Variants in EFR3A observed in about 807,000 individuals in gnomAD.
The protein encoded by EFR3A is protein EFR3 homolog A.
Under a neutral mutation model 104.4 loss-of-function variants are expected in EFR3A, and 76 were observed. That is an observed-to-expected ratio of 0.73 (90% CI 0.60 to 0.88). The LOEUF (loss-of-function observed/expected upper bound fraction) is 0.88, where lower values mean the gene tolerates loss of function less well. Among genes scored for constraint, EFR3A ranks in the 40% least tolerant of loss-of-function variants. The pLI is 0.00. For synonymous variants in EFR3A, 330 were observed against 330.0 expected (o/e 1.00, Z 0.00); for missense variants, 985 against 1,012.5 (o/e 0.97, Z 0.37).
chr8:131,990,084 G>T (rs2130774196), intron 18 of EFR3A, among the ~76,000 whole-genome samples: 1 of 152,284 alleles, frequency 6.6e-6, no homozygotes, highest in East Asian at 1.9e-4. Context: ...CCTCCAGTGT[G>T]CCAGCTGCTG....
rs184997345 is a variant in EFR3A, at chr8:131,971,020, C to T, written c.1159+377C>T. Among the ~76,000 whole-genome samples, 9 of 152,014 alleles carry T rather than the reference C, an allele frequency of 5.9e-5. No individual in the cohort carries two copies. In the East Asian group the frequency reaches 1.5e-3, roughly 26 times the overall value. On this transcript the variant is annotated intron_variant, in intron 10 of 22. Transcript: ENST00000254624. ...ATACACATGCATATTTTTTTCTAAACCACGAGATACAGGAAGTTGCATACA... is the reference window on the plus strand; with the variant it reads ...ATACACATGCATATTTTTTTCTAAATCACGAGATACAGGAAGTTGCATACA...
At chr8:131,927,884 T>C (rs1228890660) in intron 1 of EFR3A, among the ~76,000 whole-genome samples, 1 of 152,066 alleles carries the variant, frequency 6.6e-6, no homozygotes, top group Non-Finnish European at 1.5e-5. Flanking sequence ...CGGAAACAAG[T>C]TAAAGAACAG....
intron 18 of EFR3A, among the ~76,000 whole-genome samples, chr8:131,994,939 C>G (rs1821399624): frequency 6.6e-6 from 1 of 152,132 alleles, no homozygotes. Context: ...TGGGTGAGTA[C>G]ATTCTTTTTA....
At chr8:131,988,259 TA>T (rs1820999934) in intron 18 of EFR3A, among the ~76,000 whole-genome samples, 1 of 152,096 alleles carries the variant, frequency 6.6e-6, no homozygotes, top group Non-Finnish European at 1.5e-5. Flanking sequence ...ATTCAACTTT[TA>T]CTGTAAAAAT....
chr8:132,011,366 G>A lies in EFR3A; in HGVS notation c.*471G>A. 1 of 986,124 alleles carries A rather than the reference G, an allele frequency of 1.0e-6. No homozygotes were observed. 61.1% of individuals were successfully genotyped at this position (986,124 alleles called of 1,614,324 possible). Reference sequence around the variant, plus strand: ...TCCTGGGACTGCAAAACTGTTCGGTGGCTTTTTGTCCCCATGCTTTAGATA... The same window carrying A: ...TCCTGGGACTGCAAAACTGTTCGGTAGCTTTTTGTCCCCATGCTTTAGATA... On this transcript the variant is annotated 3_prime_UTR_variant, in exon 23 of 23. Transcript: ENST00000254624.
intron 16 of EFR3A, among the ~76,000 whole-genome samples, chr8:131,985,738 T>C (rs1820839218): frequency 6.6e-6 from 1 of 152,178 alleles, no homozygotes; most frequent in South Asian, 2.1e-4. Context: ...ACTAGAGAAG[T>C]AAATACTACA....
intron 1 of EFR3A, among the ~76,000 whole-genome samples, chr8:131,911,852 G>T (rs1422636729): frequency 6.6e-6 from 1 of 152,184 alleles, no homozygotes; most frequent in Non-Finnish European, 1.5e-5. Context: ...TCTGGGTATG[G>T]GGCAGGACCC....
At chr8:131,937,097 A>T (rs1817935702) in intron 1 of EFR3A, among the ~76,000 whole-genome samples, 1 of 152,164 alleles carries the variant, frequency 6.6e-6, no homozygotes, top group Non-Finnish European at 1.5e-5. Flanking sequence ...TTATTAGTAT[A>T]CACAATGACA....
At chr8:131,939,081 A>G (rs1208308151) in intron 1 of EFR3A, among the ~76,000 whole-genome samples, 2 of 152,164 alleles carry the variant, frequency 1.3e-5, no homozygotes, top group Non-Finnish European at 2.9e-5. Flanking sequence ...CTTGATCATC[A>G]TCTGCTTACC....
chr8:131,920,683 G>T (rs1816968861), intron 1 of EFR3A, among the ~76,000 whole-genome samples: 1 of 151,326 alleles, frequency 6.6e-6, no homozygotes, highest in South Asian at 2.1e-4. Flanking sequence ...AGACAGTTCA[G>T]ATTTTTTTTT....
intron 1 of EFR3A, among the ~76,000 whole-genome samples, chr8:131,910,431 C>G (rs1816462423): frequency 6.6e-6 from 1 of 152,158 alleles, no homozygotes; most frequent in Non-Finnish European, 1.5e-5. Context: ...GCCACCACGC[C>G]TGGCTAATTG....
At chr8:131,974,605 A>G (rs1563680773) in intron 10 of EFR3A, among the ~76,000 whole-genome samples, 1 of 152,208 alleles carries the variant, frequency 6.6e-6, no homozygotes, top group Non-Finnish European at 1.5e-5. Flanking sequence ...CCTCATTTCC[A>G]TAAGAGGAAA....
At chr8:131,922,680 A>G (rs895580673) in intron 1 of EFR3A, among the ~76,000 whole-genome samples, 2 of 152,148 alleles carry the variant, frequency 1.3e-5, no homozygotes, top group African/African-American at 4.8e-5. Context: ...CCTTGTTTCC[A>G]CACATTAATG....
At chr8:131,984,094 A>G (rs1199738222) in intron 14 of EFR3A, 45 bp from the exon 15 acceptor site, 3 of 1,536,664 alleles carry the variant, frequency 2.0e-6, no homozygotes, top group Admixed American at 4.1e-5. Context: ...TGCCTTTTCT[A>G]CATTTTAAGC....
chr8:131,942,611 C>T (rs1229278521), intron 2 of EFR3A, among the ~76,000 whole-genome samples: 1 of 151,982 alleles, frequency 6.6e-6, no homozygotes, highest in Non-Finnish European at 1.5e-5. Context: ...TATCATTGTG[C>T]CTGGCACATA....
intron 1 of EFR3A, among the ~76,000 whole-genome samples, chr8:131,918,167 A>G (rs528427400): frequency 1.3e-5 from 2 of 152,280 alleles, no homozygotes; most frequent in East Asian, 3.9e-4. Flanking sequence ...CATGCCTGCA[A>G]TTCCAGCTAC....
At chr8:131,924,769 G>T (rs10435559) in intron 1 of EFR3A, among the ~76,000 whole-genome samples, 58,323 of 150,994 alleles carry the variant, frequency 0.39, 11,496 homozygotes, top group East Asian at 0.61. Flanking sequence ...AGAAATAGTC[G>T]GTTCTACTCA....
At chr8:131,962,974 G>C (rs1819470885) in intron 8 of EFR3A, among the ~76,000 whole-genome samples, 1 of 151,200 alleles carries the variant, frequency 6.6e-6, no homozygotes, top group Middle Eastern at 3.4e-3. Context: ...TGACTACTGG[G>C]TATATAACGA....
chr8:131,931,584 G>C lies in EFR3A; in HGVS notation c.11-8915G>C, dbSNP rs73708066. On this transcript the variant is annotated intron_variant, in intron 1 of 22. Transcript: ENST00000254624. ...ATATATATTAGACTGCTTAATATCA[G>C]GAACCAGTTGTATGAATATTTGCAA... Among the ~76,000 whole-genome samples the C allele has an allele frequency of 9.5e-3, 1,449 of 152,094 alleles. 28 individuals are homozygous for C. Among genetic ancestry groups the C allele is most frequent in the African/African-American group, 0.033 (1,386 of 41,504 alleles).
Sources: gnomAD v4.1 joint callset for allele counts (sites outside exome capture counted in the v4.1 genomes callset) on GRCh38, gnomAD v4.1.1 for gene constraint, MANE v1.5 for transcripts, NCBI Gene and HGNC (gene_info 2026-07-23, HGNC 2026-07-21) for gene names.